AUTS2: variants seen among roughly 807,000 people sequenced by gnomAD.
The protein encoded by AUTS2 is autism susceptibility gene 2 protein.
In AUTS2, 17 loss-of-function variants were observed where a neutral mutation model predicts 112.4. That is an observed-to-expected ratio of 0.15 (90% confidence interval 0.10 to 0.23). The LOEUF is 0.23. AUTS2 is among the 10% of genes least tolerant of loss of function. AUTS2 has a pLI of 1.00. For synonymous variants in AUTS2, 751 were observed against 702.7 expected, an observed-to-expected ratio of 1.07 and a Z score of -1.09; for missense variants, 1,510 against 1,701.6, an observed-to-expected ratio of 0.89 and a Z score of 1.98.
intron 2 of AUTS2, among the ~76,000 whole-genome samples, chr7:70,096,617 GAAAAAA>G (rs1202166833): frequency 3.0e-5 from 4 of 132,794 alleles, no homozygotes; most frequent in South Asian, 4.8e-4. Context: ...AAAAAAAAAA[GAAAAAA>G]AAAGAAAAAG....
chr7:69,945,102 T>C (rs1213304192), intron 2 of AUTS2, among the ~76,000 whole-genome samples: 1 of 152,200 alleles, frequency 6.6e-6, no homozygotes, highest in Non-Finnish European at 1.5e-5. Flanking sequence ...AAAAAATAGA[T>C]TTATTGAAAT....
intron 4 of AUTS2, among the ~76,000 whole-genome samples, chr7:70,306,820 A>C (rs967611046): frequency 1.3e-5 from 2 of 152,208 alleles, no homozygotes; most frequent in African/African-American, 4.8e-5. Context: ...TGAGAAAGAA[A>C]TCTGCAAACC....
intron 1 of AUTS2, among the ~76,000 whole-genome samples, chr7:69,833,612 TTTA>T (rs1791595317): frequency 6.6e-6 from 1 of 152,050 alleles, no homozygotes; most frequent in African/African-American, 2.4e-5. Flanking sequence ...TTTTTGTACT[TTTA>T]TTAGAGTCGG....
intron 1 of AUTS2, among the ~76,000 whole-genome samples, chr7:69,844,042 A>G (rs1792092499): frequency 6.6e-6 from 1 of 152,326 alleles, no homozygotes; most frequent in African/African-American, 2.4e-5. Flanking sequence ...ATACCAGCCA[A>G]TCCTCGTTAC....
rs1039181353 is a variant in AUTS2, at chr7:70,608,726, A to G, written c.691-89843A>G. Among the ~76,000 whole-genome samples, 3 of 152,196 alleles carry G rather than the reference A, an allele frequency of 2.0e-5. No individual in the cohort carries two copies. In the East Asian group the frequency reaches 5.8e-4, roughly 29 times the overall value. ...ATGATATTGGACAATCCCCTGGTGTACTGCTCAGTGGGAAAGTAGATATGG... is the reference window on the plus strand; with the variant it reads ...ATGATATTGGACAATCCCCTGGTGTGCTGCTCAGTGGGAAAGTAGATATGG... On this transcript the variant is annotated intron_variant, in intron 5 of 18. Coordinates refer to ENST00000342771, the MANE Select transcript of AUTS2 (RefSeq NM_015570.4).
chr7:69,629,221 T>G (rs1367318225), intron 1 of AUTS2, among the ~76,000 whole-genome samples: 1 of 152,210 alleles, frequency 6.6e-6, no homozygotes, highest in Non-Finnish European at 1.5e-5. Context: ...TATGAAATTC[T>G]TGTGTAGCTT....
chr7:70,670,014 A>G (rs186248799), intron 5 of AUTS2, among the ~76,000 whole-genome samples: 2 of 152,276 alleles, frequency 1.3e-5, no homozygotes, highest in Admixed American at 1.3e-4. Context: ...CTTCAACAAA[A>G]CAGAGGTTTG....
At chr7:70,004,134 ATAAT>A (rs1480574056) in intron 2 of AUTS2, among the ~76,000 whole-genome samples, 1 of 132,136 alleles carries the variant, frequency 7.6e-6, no homozygotes, top group Non-Finnish European at 1.5e-5. Flanking sequence ...GTGAATATAT[ATAAT>A]ATATATGAAT....
intron 2 of AUTS2, among the ~76,000 whole-genome samples, chr7:69,911,917 T>C (rs1252638091): frequency 6.6e-6 from 1 of 152,112 alleles, no homozygotes; most frequent in Non-Finnish European, 1.5e-5. Context: ...GGAATTTCAC[T>C]GGGGACCTGT....
chr7:69,635,531 G>A (rs1478348609), intron 1 of AUTS2, among the ~76,000 whole-genome samples: 1 of 152,196 alleles, frequency 6.6e-6, no homozygotes, highest in East Asian at 1.9e-4. Flanking sequence ...GAATGCTCTA[G>A]CCCTGCAGTA....
chr7:70,465,985 A>G (rs1797153456), intron 5 of AUTS2, among the ~76,000 whole-genome samples: 2 of 152,168 alleles, frequency 1.3e-5, no homozygotes, highest in African/African-American at 4.8e-5. Flanking sequence ...GTAGAGGTGG[A>G]TAGGCAGTGT....
intron 1 of AUTS2, among the ~76,000 whole-genome samples, chr7:69,728,113 A>G (rs1315423811): frequency 6.6e-6 from 1 of 152,168 alleles, no homozygotes; most frequent in African/African-American, 2.4e-5. Flanking sequence ...GTGGGCCCCT[A>G]CACGAAAGAA....
intron 6 of AUTS2, among the ~76,000 whole-genome samples, chr7:70,732,858 A>ATTG (rs1335372942): frequency 6.6e-6 from 1 of 152,188 alleles, no homozygotes; most frequent in Non-Finnish European, 1.5e-5. Context: ...TTTCTTGTTT[A>ATTG]TTGTAGTTAT....
intron 5 of AUTS2, among the ~76,000 whole-genome samples, chr7:70,554,393 CT>C (rs34757734): frequency 0.2 from 22,906 of 115,956 alleles, 1,070 homozygotes; most frequent in Middle Eastern, 0.23. Context: ...TCTTTTCTTT[CT>C]TTTTTTTTTT....
At chr7:70,475,138 C>T (rs1168253521) in intron 5 of AUTS2, among the ~76,000 whole-genome samples, 4 of 152,348 alleles carry the variant, frequency 2.6e-5, no homozygotes, top group Non-Finnish European at 5.9e-5. Context: ...CTCCTGTCTA[C>T]ACTCTCTCTG....
chr7:70,380,432 C>T (rs567518803), intron 4 of AUTS2, among the ~76,000 whole-genome samples: 55 of 152,314 alleles, frequency 3.6e-4, no homozygotes, highest in Non-Finnish European at 4.6e-4. Flanking sequence ...AAGCCAGCCT[C>T]CAGCATTGAC....
At chr7:69,892,052 A>G (rs1412075317) in intron 1 of AUTS2, among the ~76,000 whole-genome samples, 1 of 151,938 alleles carries the variant, frequency 6.6e-6, no homozygotes, top group South Asian at 2.1e-4. Flanking sequence ...TGGCCTCCCA[A>G]AGTGCTGGGA....
intron 4 of AUTS2, among the ~76,000 whole-genome samples, chr7:70,344,364 A>G (rs141008827): frequency 4.9e-4 from 74 of 152,252 alleles, no homozygotes; most frequent in African/African-American, 1.7e-3. Context: ...GATCTTTTCT[A>G]TTGCCTGATA....
chr7:70,731,811 C>T, intron 6 of AUTS2, among the ~76,000 whole-genome samples: 1 of 151,950 alleles, frequency 6.6e-6, no homozygotes, highest in Non-Finnish European at 1.5e-5. Flanking sequence ...CTCCGCCATC[C>T]CCCCCGCACA....
Sources: allele counts gnomAD v4.1 joint callset (sites outside exome capture counted in the v4.1 genomes callset), GRCh38; gene constraint gnomAD v4.1.1; transcripts MANE v1.5; gene names NCBI Gene and HGNC (gene_info 2026-07-23, HGNC 2026-07-21).